The following CNBD1 variants were observed in gnomAD, a reference collection of about 807,000 sequenced individuals.
The protein encoded by CNBD1 is cyclic nucleotide binding domain containing 1, also known as cyclic nucleotide-binding domain-containing protein 1.
CNBD1 carries 71 observed loss-of-function variants against 54.4 expected under a neutral mutation model. That is an observed-to-expected ratio of 1.30 (90% CI 1.08 to 1.59). The LOEUF is 1.59. Among genes scored for constraint, CNBD1 ranks in the 40% most tolerant of loss-of-function variants. CNBD1 has a pLI of 0.00. For synonymous variants in CNBD1, 182 were observed against 170.7 expected (o/e 1.07, Z -0.51); for missense variants, 659 against 518.0 (o/e 1.27, Z -2.64).
intron 6 of CNBD1, among the ~76,000 whole-genome samples, chr8:87,279,419 G>A (rs1344925624): frequency 4.0e-5 from 6 of 151,288 alleles, no homozygotes; most frequent in Middle Eastern, 3.4e-3. Flanking sequence ...TACATTAAAC[G>A]TAAACAGACT....
chr8:87,022,617 A>C (rs954325942), intron 4 of CNBD1, among the ~76,000 whole-genome samples: 1 of 152,196 alleles, frequency 6.6e-6, no homozygotes, highest in African/African-American at 2.4e-5. Context: ...TCTGCCCTTA[A>C]ATTTATTAAA....
intron 4 of CNBD1, among the ~76,000 whole-genome samples, chr8:87,113,610 C>A (rs1391328839): frequency 6.6e-6 from 1 of 152,116 alleles, no homozygotes; most frequent in Non-Finnish European, 1.5e-5. Context: ...TAATTGATAT[C>A]TTTTACTTAC....
chr8:87,389,231 G>A lies in CNBD1; in HGVS notation c.213+35445G>A, dbSNP rs188850793. 4.6e-5 allele frequency among the ~76,000 whole-genome samples: 7 copies of A among 152,282 alleles called. No individual in the cohort carries two copies. The South Asian group carries it at 1.5e-3, about 32-fold the overall frequency. ...TCTCTCACCGCTGCTATTCAACATAGTGTTGGAAGTTCTGGCCAGGGCAAT... is the reference window on the plus strand; with the variant it reads ...TCTCTCACCGCTGCTATTCAACATAATGTTGGAAGTTCTGGCCAGGGCAAT... On this transcript the variant is annotated intron_variant, in intron 2 of 7. Transcript: ENST00000521593.
intron 4 of CNBD1, among the ~76,000 whole-genome samples, chr8:86,943,693 T>A (rs1023651053): frequency 2.0e-5 from 3 of 152,070 alleles, no homozygotes; most frequent in Non-Finnish European, 2.9e-5. Context: ...GGCCCCTTTT[T>A]AAAATTTTGT....
In CNBD1 at chr8:86,866,468, G is replaced by A. The variant is rs1177059808; in HGVS notation, c.-28G>A. 5 of 1,571,538 alleles carry A rather than the reference G, an allele frequency of 3.2e-6. No individual in the cohort carries two copies. The highest frequency in any genetic ancestry group is 1.7e-5 in the Admixed American group (1 of 57,716). ...TCATTTGCCTCTCAAGCAGCCTCTG[G>A]TCATCTATCTGCCTTTGAGCCATCA... On this transcript the variant is annotated 5_prime_UTR_variant, in exon 1 of 11. Transcript: ENST00000518476.
At chr8:87,165,295 C>G (rs983135840) in intron 4 of CNBD1, among the ~76,000 whole-genome samples, 11 of 151,882 alleles carry the variant, frequency 7.2e-5, no homozygotes, top group Non-Finnish European at 1.5e-4. Context: ...ATGTTCAAAT[C>G]TGCTGTTTCT....
chr8:87,147,348 C>A (rs1000036341), intron 4 of CNBD1, among the ~76,000 whole-genome samples: 1 of 152,062 alleles, frequency 6.6e-6, no homozygotes, highest in African/African-American at 2.4e-5. Context: ...TAGAATACTA[C>A]CTGGGCTTTT....
At chr8:87,384,729 C>A (rs1205586898), downstream of CNBD1, among the ~76,000 whole-genome samples, 1 of 151,862 alleles carries the variant, frequency 6.6e-6, no homozygotes, top group Non-Finnish European at 1.5e-5. Context: ...GATCATGGGT[C>A]CAATAATATG....
At chr8:86,956,090 C>A (rs1025622310) in intron 4 of CNBD1, among the ~76,000 whole-genome samples, 5 of 152,038 alleles carry the variant, frequency 3.3e-5, no homozygotes, top group Non-Finnish European at 7.4e-5. Context: ...AATAGGGAAT[C>A]CTTTCCCCAT....
At chr8:87,015,329 C>T (rs1293938971) in intron 4 of CNBD1, among the ~76,000 whole-genome samples, 5 of 151,920 alleles carry the variant, frequency 3.3e-5, no homozygotes, top group African/African-American at 9.7e-5. Flanking sequence ...ACTACAGGCA[C>T]CTGCTACCAT....
intron 5 of CNBD1, among the ~76,000 whole-genome samples, chr8:87,232,794 A>G (rs1807471553): frequency 6.6e-6 from 1 of 152,140 alleles, no homozygotes; most frequent in Admixed American, 6.5e-5. Flanking sequence ...GTGTTGGATG[A>G]TGAAAGAAAT....
At chr8:87,369,090 T>C (rs751879720) in intron 10 of CNBD1, among the ~76,000 whole-genome samples, 7 of 152,088 alleles carry the variant, frequency 4.6e-5, no homozygotes, top group Non-Finnish European at 1.0e-4. Context: ...ATTATCCTTA[T>C]GTAGTTATTT....
At chr8:86,974,996 A>G (rs1469648804) in intron 4 of CNBD1, among the ~76,000 whole-genome samples, 1 of 152,062 alleles carries the variant, frequency 6.6e-6, no homozygotes, top group African/African-American at 2.4e-5. Flanking sequence ...TTTGGAAAAA[A>G]TCTATTGGGA....
At chr8:87,376,058 G>T (rs1475205423) in intron 10 of CNBD1, among the ~76,000 whole-genome samples, 1 of 151,920 alleles carries the variant, frequency 6.6e-6, no homozygotes, top group Non-Finnish European at 1.5e-5. Context: ...TAAAAGCAGA[G>T]ATGAACTTTT....
At chr8:87,225,119 C>T (rs1371508921) in intron 5 of CNBD1, among the ~76,000 whole-genome samples, 1 of 150,458 alleles carries the variant, frequency 6.6e-6, no homozygotes, top group Non-Finnish European at 1.5e-5. Context: ...GCTGAAGTTG[C>T]TTATCAGCTT....
intron 8 of CNBD1, among the ~76,000 whole-genome samples, chr8:87,308,997 G>A (rs1303689167): frequency 2.0e-5 from 3 of 151,956 alleles, no homozygotes; most frequent in Non-Finnish European, 4.4e-5. Flanking sequence ...TTTCTTGATG[G>A]ACATTTACAT....
chr8:87,293,698 G>T, intron 8 of CNBD1, among the ~76,000 whole-genome samples: 1 of 152,134 alleles, frequency 6.6e-6, no homozygotes, highest in East Asian at 1.9e-4. Context: ...ATCAAAATAT[G>T]ATGTCTTAAA....
intron 10 of CNBD1, among the ~76,000 whole-genome samples, chr8:87,373,925 T>G (rs1810871649): frequency 6.6e-6 from 1 of 151,802 alleles, no homozygotes; most frequent in African/African-American, 2.4e-5. Context: ...ATTTAAATAT[T>G]TGTATTGCAA....
chr8:86,965,411 TG>T (rs1289181639), intron 4 of CNBD1, among the ~76,000 whole-genome samples: 1 of 152,124 alleles, frequency 6.6e-6, no homozygotes, highest in African/African-American at 2.4e-5. Flanking sequence ...GAAGTGAAAC[TG>T]GGTTGGAACA....
Sources: gnomAD v4.1 joint callset for allele counts (sites outside exome capture counted in the v4.1 genomes callset) on GRCh38, gnomAD v4.1.1 for gene constraint, MANE v1.5 for transcripts, NCBI Gene and HGNC (gene_info 2026-07-23, HGNC 2026-07-21) for gene names.